Variants in COG5 observed in about 807,000 individuals in gnomAD.
COG5 encodes component of oligomeric golgi complex 5, also known as conserved oligomeric Golgi complex subunit 5.
Under a neutral mutation model 110.4 loss-of-function variants are expected in COG5, and 86 were observed. The observed-to-expected ratio is 0.78, with a 90% CI of 0.65 to 0.93. The LOEUF (loss-of-function observed/expected upper bound fraction) is 0.93. COG5 is among the 40% of genes least tolerant of loss of function. COG5 has a pLI of 0.00. For synonymous variants in COG5, 360 were observed against 334.6 expected (o/e 1.08, Z -0.83); for missense variants, 1,077 against 987.0 (o/e 1.09, Z -1.22).
At chr7:107,507,440 C>G in intron 6 of COG5, among the ~76,000 whole-genome samples, 1 of 138,208 alleles carries the variant, frequency 7.2e-6, no homozygotes, top group Admixed American at 7.1e-5. Flanking sequence ...ACTACAGGCA[C>G]CCACCACCAT....
intron 16 of COG5, chr7:107,252,899 AC>A (rs1584576592): frequency 1.3e-5 from 2 of 152,130 alleles, no homozygotes; most frequent in East Asian, 3.8e-4. Context: ...ATAGAAGGGA[AC>A]TTGTTTAGTC....
At chr7:107,282,055 G>GAAATT (rs1427796178) in intron 13 of COG5, among the ~76,000 whole-genome samples, 1 of 147,744 alleles carries the variant, frequency 6.8e-6, no homozygotes, top group East Asian at 2.0e-4. Context: ...AAGAACACTA[G>GAAATT]AAATTAAAAA....
intron 6 of COG5, among the ~76,000 whole-genome samples, chr7:107,436,871 A>G (rs1794401922): frequency 6.6e-6 from 1 of 152,224 alleles, no homozygotes; most frequent in South Asian, 2.1e-4. Flanking sequence ...GTATTTAATA[A>G]TAATTGCAAA....
At chr7:107,349,747 C>T (rs761364010) in intron 10 of COG5, among the ~76,000 whole-genome samples, 1 of 152,084 alleles carries the variant, frequency 6.6e-6, no homozygotes, top group African/African-American at 2.4e-5. Flanking sequence ...TCAGTAGACA[C>T]GGGGGTTTCA....
At chr7:107,292,536 T>C (rs532772395) in intron 12 of COG5, among the ~76,000 whole-genome samples, 8 of 152,270 alleles carry the variant, frequency 5.3e-5, no homozygotes, top group Admixed American at 4.6e-4. Flanking sequence ...TATACAAAGG[T>C]TGAGATATAA....
rs111825861 is a variant in COG5 at position 107,359,429 on chromosome 7, G to A, written c.1026+2604C>T. On this transcript the variant is annotated intron_variant, in intron 10 of 21. Transcript: ENST00000297135. ...CTCAGTGAGGGCCTGCAGGTGCCCC[G>A]TGGCATGAACAGCCTGAGTGCTGTG... Among the ~76,000 whole-genome samples, 1,020 of 152,254 alleles carry A rather than the reference G, an allele frequency of 6.7e-3. 15 individuals are homozygous for A. The highest frequency in any genetic ancestry group is 0.023 in the African/African-American group (969 of 41,490).
At chr7:107,496,809 A>G (rs1798306580) in intron 6 of COG5, among the ~76,000 whole-genome samples, 1 of 152,162 alleles carries the variant, frequency 6.6e-6, no homozygotes, top group Non-Finnish European at 1.5e-5. Flanking sequence ...TTTAATAAAC[A>G]GAAATAAAAG....
At chr7:107,540,633 T>G (rs1801912920) in intron 5 of COG5, among the ~76,000 whole-genome samples, 1 of 149,244 alleles carries the variant, frequency 6.7e-6, no homozygotes, top group Non-Finnish European at 1.5e-5. Flanking sequence ...AAGATCAAAC[T>G]GATTCCAAGT....
intron 10 of COG5, among the ~76,000 whole-genome samples, chr7:107,358,550 A>C (rs1812827541): frequency 6.6e-6 from 1 of 152,202 alleles, no homozygotes; most frequent in South Asian, 2.1e-4. Flanking sequence ...TTGTCAGGAA[A>C]TCCTGATTGC....
intron 7 of COG5, among the ~76,000 whole-genome samples, chr7:107,406,846 T>A (rs1020073334): frequency 8.5e-5 from 13 of 152,168 alleles, no homozygotes; most frequent in African/African-American, 2.9e-4. Context: ...AAACATGTCA[T>A]AGATGCAAAA....
chr7:107,362,483 A>G (rs1472269586), intron 8 of COG5, 63 bp from the exon 9 acceptor site: 5 of 943,114 alleles, frequency 5.3e-6, no homozygotes, highest in African/African-American at 5.0e-5. Flanking sequence ...ATATATATAT[A>G]TGTTATTATA....
At chr7:107,439,799 C>T (rs1384378043) in intron 6 of COG5, among the ~76,000 whole-genome samples, 4 of 151,960 alleles carry the variant, frequency 2.6e-5, no homozygotes, top group Admixed American at 6.6e-5. Context: ...AGTTTTGTGC[C>T]AAAATGACAT....
intron 6 of COG5, chr7:107,473,088 G>GT (rs1235784452): frequency 4.6e-5 from 7 of 151,656 alleles, no homozygotes; most frequent in African/African-American, 1.7e-4. Flanking sequence ...CAGGTAATGT[G>GT]TAACTTTAAA....
At chr7:107,405,972 C>G (rs1365063309) in intron 7 of COG5, among the ~76,000 whole-genome samples, 1 of 152,182 alleles carries the variant, frequency 6.6e-6, no homozygotes, top group East Asian at 1.9e-4. Context: ...ACTTCCCCAG[C>G]CTCCAGAACT....
rs1303709366 is a variant in COG5 at position 107,281,614 on chromosome 7, T to C, written c.1476-215A>G. 2.0e-5 allele frequency among the ~76,000 whole-genome samples: 3 copies of C among 152,156 alleles called. No individual in the cohort carries two copies. In the East Asian group the frequency reaches 5.8e-4, roughly 29 times the overall value. On this transcript the variant is annotated intron_variant, in intron 13 of 21. Transcript: ENST00000297135. ...GGCTTCCTTAATGACCAGTTTCTCA[T>C]TAACAAAAGCATGTCATATGTGGGT...
In COG5 at chr7:107,297,443, C is replaced by CTTTTTTTTT. The variant is rs71314693; in HGVS notation, c.1313+690_1313+698dup. ...TACCCAAGGGATGAGTACATTCTGC[C>CTTTTTTTTT]TTTTTTTTTTTTTTTTTTTTTTTGA... On this transcript the variant is annotated intron_variant, in intron 12 of 21. Transcript: ENST00000297135. Among the ~76,000 whole-genome samples, 37 of 77,984 alleles carry CTTTTTTTTT rather than the reference C, an allele frequency of 4.7e-4. 2 individuals are homozygous for CTTTTTTTTT. The East Asian group carries it at 7.6e-3, about 16-fold the overall frequency. The allele number at this position is 77,984 out of a possible 152,430, so 51.2% of individuals were successfully genotyped here. A position where few individuals can be genotyped will look rare whatever the true frequency, so the allele number is the denominator to read the frequency against.
chr7:107,253,278 C>T (rs1230836081), intron 16 of COG5: 1 of 152,046 alleles, frequency 6.6e-6, no homozygotes, highest in South Asian at 2.1e-4. Context: ...TAGAAACTAA[C>T]AACTAACAAG....
At chr7:107,383,767 C>G (rs184734710) in intron 7 of COG5, among the ~76,000 whole-genome samples, 1 of 152,160 alleles carries the variant, frequency 6.6e-6, no homozygotes, top group East Asian at 1.9e-4. Flanking sequence ...TCTGAACCCC[C>G]GGGAAGCCAT....
At chr7:107,381,434 A>G (rs1343493177) in intron 7 of COG5, among the ~76,000 whole-genome samples, 1 of 152,230 alleles carries the variant, frequency 6.6e-6, no homozygotes, top group African/African-American at 2.4e-5. Flanking sequence ...TGGAATTTCT[A>G]AAATTGTAAT....
Sources: gnomAD v4.1 joint callset for allele counts (sites outside exome capture counted in the v4.1 genomes callset) on GRCh38, gnomAD v4.1.1 for gene constraint, MANE v1.5 for transcripts, NCBI Gene and HGNC (gene_info 2026-07-23, HGNC 2026-07-21) for gene names.